The following OR52K1 variants were observed in gnomAD, a reference collection of about 807,000 sequenced individuals.
OR52K1 encodes olfactory receptor 52K1.
A neutral mutation model predicts 8.7 loss-of-function variants in OR52K1; 10 were observed. That is an observed-to-expected ratio of 1.15 (90% confidence interval 0.71 to 1.95). The LOEUF is 1.95. Among genes scored for constraint, OR52K1 ranks in the 30% most tolerant of loss-of-function variants. The pLI, the probability that OR52K1 is intolerant of heterozygous loss-of-function variation, is 0.00. For synonymous variants in OR52K1, 203 were observed against 148.5 expected (o/e 1.37, Z -2.67); for missense variants, 431 against 397.2 (o/e 1.08, Z -0.72).
Position 4,483,017 on chromosome 11 carries a change from CA to C in OR52K1, c.-486del. On this transcript the variant is annotated 5_prime_UTR_variant, in exon 1 of 2. An upstream open reading frame in the 5' UTR loses its in-frame stop. Coordinates refer to ENST00000641528, the MANE Select transcript of OR52K1 (RefSeq NM_001005171.3). ...TATGCCAAACACTGTGGGCCATCTC[CA>C]AGAAGTCTTAGTTGATTATTCCAGT... The C allele has an allele frequency of 2.5e-6, 1 of 396,570 alleles. No homozygotes were observed. Among genetic ancestry groups the C allele is most frequent in the Non-Finnish European group, 4.4e-6 (1 of 224,904 alleles). The allele number at this position is 396,570 out of a possible 1,614,324, so 24.6% of individuals were successfully genotyped here.
Position 4,490,033 on chromosome 11 carries a change from G to A in OR52K1, c.*188G>A, listed in dbSNP as rs374357043. On this transcript the variant is annotated 3_prime_UTR_variant, in exon 2 of 2. Transcript: ENST00000641528. Reference sequence around the variant, plus strand: ...AAACCAGGAGTGCACCTATAGTCTGGTCTGATAGTAGAGGTTTGACCTTCC... The same window carrying A: ...AAACCAGGAGTGCACCTATAGTCTGATCTGATAGTAGAGGTTTGACCTTCC... The A allele has an allele frequency of 9.5e-5, 56 of 590,300 alleles. No individual in the cohort carries two copies. The highest frequency in any genetic ancestry group is 7.0e-4 in the South Asian group (34 of 48,698). The allele number at this position is 590,300 out of a possible 1,614,324, so 36.6% of individuals were successfully genotyped here. A position where few individuals can be genotyped will look rare whatever the true frequency, so the allele number is the denominator to read the frequency against.
Position 4,489,901 on chromosome 11 carries a change from G to A in OR52K1, c.*56G>A, listed in dbSNP as rs528914428. 8.6e-6 allele frequency: 11 copies of A among 1,273,052 alleles called. No homozygotes were observed. The highest frequency in any genetic ancestry group is 8.5e-5 in the South Asian group (6 of 70,978). The allele number at this position is 1,273,052 out of a possible 1,614,324, so 78.9% of individuals were successfully genotyped here. A position where few individuals can be genotyped will look rare whatever the true frequency, so the allele number is the denominator to read the frequency against. On this transcript the variant is annotated 3_prime_UTR_variant, in exon 2 of 2. Transcript: ENST00000641528. ...CCAAGTAATGAGAATGCTGGATTGG[G>A]GTTGAGGGGAAAAATCTAAATAGGA...
intron 1 of OR52K1, among the ~76,000 whole-genome samples, chr11:4,487,975 T>G (rs1382431363): frequency 6.6e-6 from 1 of 152,082 alleles, no homozygotes; most frequent in Non-Finnish European, 1.5e-5. Context: ...AGAAGGATAT[T>G]TGGAAGTCAT....
rs1320437538 is a variant in OR52K1, at chr11:4,491,249, T to A, written c.*1404T>A. The A allele has an allele frequency of 1.3e-5, 2 of 152,126 alleles. No homozygotes were observed. Among genetic ancestry groups the A allele is most frequent in the Non-Finnish European group, 2.9e-5 (2 of 68,024 alleles). The allele number at this position is 152,126 out of a possible 1,614,324, so 9.4% of individuals were successfully genotyped here. A position where few individuals can be genotyped will look rare whatever the true frequency, so the allele number is the denominator to read the frequency against. ...CAATGAAATTTGAGTAGCCCTGAAA[T>A]GTACTTCGAGAATCAGAAAGTTTAT... On this transcript the variant is annotated 3_prime_UTR_variant, in exon 2 of 2. Transcript: ENST00000641528.
In OR52K1 at chr11:4,492,203, G is replaced by A. The variant is rs1395730405; in HGVS notation, c.*2358G>A. 6.6e-6 allele frequency: 1 copy of A among 152,090 alleles called. No homozygotes were observed. Among genetic ancestry groups the A allele is most frequent in the East Asian group, 1.9e-4 (1 of 5,198 alleles). 9.4% of individuals were successfully genotyped at this position (152,090 alleles called of 1,614,324 possible). A position where few individuals can be genotyped will look rare whatever the true frequency, so the allele number is the denominator to read the frequency against. ...AAACCCAGCAAAGTTCCAGTTAGAG[G>A]CTGTGACAAAGCCAAAGTCCACCCA... is the stretch of plus-strand genomic sequence containing the variant. On this transcript the variant is annotated 3_prime_UTR_variant, in exon 2 of 2. Coordinates refer to ENST00000641528, the MANE Select transcript of OR52K1 (RefSeq NM_001005171.3).
At position 4,489,792 on chromosome 11, in the gene OR52K1, A is replaced by C. The variant is rs779033313; in HGVS notation, c.892A>C (p.Thr298Pro). The C allele has an allele frequency of 6.2e-7, 1 of 1,613,868 alleles. No homozygotes were observed. The highest frequency in any genetic ancestry group is 8.5e-7 in the Non-Finnish European group (1 of 1,179,856). ...MVNPIIYGVKTKQIREYVLSL... is the reference protein window; with the variant it reads ...MVNPIIYGVKPKQIREYVLSL... The stretch of plus-strand genomic sequence containing the variant: ...CAATCCTATCATATATGGAGTCAAG[A>C]CCAAGCAGATTCGTGAGTATGTGCT... Residue 298 changes from threonine (T) to proline (P), a missense_variant, in exon 2 of 2, where the codon ACC (threonine) becomes CCC (proline). Physicochemically the swap from Thr to Pro is conservative, Grantham distance 38. Coordinates refer to ENST00000641528, the MANE Select transcript of OR52K1 (RefSeq NM_001005171.3).
chr11:4,489,143 C>T lies in OR52K1; in HGVS notation c.243C>T (p.Pro81=). 1 of 1,614,212 alleles carries T rather than the reference C, an allele frequency of 6.2e-7. No homozygotes were observed. The highest frequency in any genetic ancestry group is 1.7e-5 in the Admixed American group (1 of 60,024). ...IDLVLSSTTL[P]KMLAIFWFRD... Reference sequence around the variant, plus strand: ...TGGTTCTTTCTTCTACAACGCTGCCCAAAATGCTTGCCATATTCTGGTTCA... The same window carrying T: ...TGGTTCTTTCTTCTACAACGCTGCCTAAAATGCTTGCCATATTCTGGTTCA... Residue 81 remains proline (P), a synonymous_variant, in exon 2 of 2, where the codon CCC becomes CCT. Coordinates refer to ENST00000641528, the MANE Select transcript of OR52K1 (RefSeq NM_001005171.3).
intron 1 of OR52K1, among the ~76,000 whole-genome samples, chr11:4,483,415 C>T (rs913227682): frequency 6.6e-6 from 1 of 152,138 alleles, no homozygotes; most frequent in Non-Finnish European, 1.5e-5. Flanking sequence ...CATCTTAGTT[C>T]TGAAAACAAT....
chr11:4,489,036 A>ACC lies in OR52K1; in HGVS notation c.138_139dup (p.Leu47ProfsTer93). 6.2e-7 allele frequency: 1 copy of ACC among 1,614,002 alleles called. No individual in the cohort carries two copies. The highest frequency in any genetic ancestry group is 1.6e-4 in the Middle Eastern group (1 of 6,062). Reference sequence around the variant, plus strand: ...TACTCTGGCCCTGCTAGGCAACTGTACCCTTCTCTTCATTATCCAGGCTGA... The same window carrying ACC: ...TACTCTGGCCCTGCTAGGCAACTGTACCCCCTTCTCTTCATTATCCAGGCTGA... On this transcript the variant is annotated frameshift_variant, in exon 2 of 2. Coordinates refer to ENST00000641528, the MANE Select transcript of OR52K1 (RefSeq NM_001005171.3). LOFTEE classifies it high-confidence loss of function.
chr11:4,487,612 G>A (rs915550330), intron 1 of OR52K1, among the ~76,000 whole-genome samples: 2 of 152,108 alleles, frequency 1.3e-5, no homozygotes, highest in African/African-American at 4.8e-5. Context: ...CATGGGAATC[G>A]GTAGAAAGAA....
chr11:4,487,835 T>C (rs1315598711), intron 1 of OR52K1, among the ~76,000 whole-genome samples: 5 of 152,146 alleles, frequency 3.3e-5, no homozygotes, highest in East Asian at 3.8e-4. Flanking sequence ...TGTATAAATA[T>C]ATGTTTTATA....
intron 1 of OR52K1, among the ~76,000 whole-genome samples, chr11:4,485,021 T>C (rs1024667413): frequency 6.6e-6 from 1 of 152,234 alleles, no homozygotes; most frequent in Admixed American, 6.5e-5. Flanking sequence ...GTCTCTCTTC[T>C]AGCAAAATTG....
At position 4,489,215 on chromosome 11, in the gene OR52K1, C is replaced by T. The variant is rs764342505; in HGVS notation, c.315C>T (p.Phe105=). The change falls in exon 2 of 2, where the codon TTC becomes TTT. Residue 105 remains phenylalanine (F), a synonymous_variant. Transcript: ENST00000641528. ...NFFACLVQMF[F]LHSFSIMESA... Reference sequence around the variant, plus strand: ...TTGCCTGTCTGGTCCAGATGTTCTTCCTTCACTCCTTCTCCATCATGGAGT... The same window carrying T: ...TTGCCTGTCTGGTCCAGATGTTCTTTCTTCACTCCTTCTCCATCATGGAGT... 1.8e-5 allele frequency: 29 copies of T among 1,614,124 alleles called. No individual in the cohort carries two copies. The highest frequency in any genetic ancestry group is 2.2e-5 in the Non-Finnish European group (26 of 1,180,054).
In OR52K1 at chr11:4,488,706, T is replaced by TA. The variant is rs1846339914; in HGVS notation, c.-194dup. On this transcript the variant is annotated 5_prime_UTR_variant, in exon 2 of 2. Transcript: ENST00000641528. ...AATGAGATTCAAATTTCTTTGAGGGTAGAAAATATGGATTATACTTCTCCA... is the reference window on the plus strand; with the variant it reads ...AATGAGATTCAAATTTCTTTGAGGGTAAGAAAATATGGATTATACTTCTCCA... 1 of 564,120 alleles carries TA rather than the reference T, an allele frequency of 1.8e-6. No individual in the cohort carries two copies. The allele number at this position is 564,120 out of a possible 1,614,324, so 34.9% of individuals were successfully genotyped here. A position where few individuals can be genotyped will look rare whatever the true frequency, so the allele number is the denominator to read the frequency against.
chr11:4,486,775 A>G (rs1846324141), intron 1 of OR52K1, among the ~76,000 whole-genome samples: 1 of 152,206 alleles, frequency 6.6e-6, no homozygotes, highest in African/African-American at 2.4e-5. Flanking sequence ...TCTTCAGTAA[A>G]AATGTTTAAA....
rs1391795851 is a variant in OR52K1 at position 4,490,180 on chromosome 11, A to G, written c.*335A>G. 4.2e-6 allele frequency: 1 copy of G among 239,688 alleles called. No homozygotes were observed. Among genetic ancestry groups the G allele is most frequent in the East Asian group, 1.0e-4 (1 of 9,898 alleles). The allele number at this position is 239,688 out of a possible 1,614,324, so 14.8% of individuals were successfully genotyped here. On this transcript the variant is annotated 3_prime_UTR_variant, in exon 2 of 2. Coordinates refer to ENST00000641528, the MANE Select transcript of OR52K1 (RefSeq NM_001005171.3). Reference sequence around the variant, plus strand: ...TTGGCCCAAACAGCTGAGTCACCCAAACAGGTGACTTCTTTATCCAGGTAT... The same window carrying G: ...TTGGCCCAAACAGCTGAGTCACCCAGACAGGTGACTTCTTTATCCAGGTAT...
At chr11:4,484,723 G>A (rs993698303) in intron 1 of OR52K1, among the ~76,000 whole-genome samples, 1 of 149,862 alleles carries the variant, frequency 6.7e-6, no homozygotes, top group Admixed American at 6.7e-5. Context: ...CAATATTCAC[G>A]GTCTTTTCAG....
In OR52K1 at chr11:4,489,647, C is replaced by A. The variant is rs1233852503; in HGVS notation, c.747C>A (p.Ala249=). The stretch of plus-strand genomic sequence containing the variant: ...GGACATGTGTGTCTCACATAGGTGC[C>A]ATCCTGTCCACCTACACTCCAGTAG... ...AFGTCVSHIG[A]ILSTYTPVVI... The change falls in exon 2 of 2, where the codon GCC becomes GCA. Residue 249 remains alanine, a synonymous_variant. Transcript: ENST00000641528. The A allele has an allele frequency of 2.5e-6, 4 of 1,614,076 alleles. No individual in the cohort carries two copies. The highest frequency in any genetic ancestry group is 1.6e-4 in the Middle Eastern group (1 of 6,084).
Position 4,489,721 on chromosome 11 carries a change from T to G in OR52K1, c.821T>G (p.Val274Gly). 1.2e-6 allele frequency: 2 copies of G among 1,614,212 alleles called. No homozygotes were observed. Among genetic ancestry groups the G allele is most frequent in the South Asian group, 2.2e-5 (2 of 91,090 alleles). ...HRVARHAAPRVHILLAIFYLL... is the reference protein window; with the variant it reads ...HRVARHAAPRGHILLAIFYLL... ...GTAGCCCGCCATGCTGCCCCTCGTG[T>G]CCACATACTCCTTGCTATTTTCTAT... The change falls in exon 2 of 2, where the codon GTC becomes GGC. Residue 274 changes from valine (V) to glycine (G), a missense_variant. By Grantham distance (109) the Val-to-Gly change is moderately radical (BLOSUM62 -3). Transcript: ENST00000641528.
Sources: allele counts gnomAD v4.1 joint callset (sites outside exome capture counted in the v4.1 genomes callset), GRCh38; gene constraint gnomAD v4.1.1; transcripts MANE v1.5; gene names NCBI Gene and HGNC (gene_info 2026-07-23, HGNC 2026-07-21).